RANBP17: variants seen among roughly 807,000 people sequenced by gnomAD.
The protein encoded by RANBP17 is ran-binding protein 17.
In RANBP17, 158 loss-of-function variants were observed where a neutral mutation model predicts 141.2. The observed-to-expected ratio is 1.12, with a 90% CI of 0.98 to 1.28. The LOEUF (loss-of-function observed/expected upper bound fraction) is 1.28. Among genes scored for constraint, RANBP17 ranks in the 50% most tolerant of loss-of-function variants. The pLI is 0.00. For synonymous variants in RANBP17, 430 were observed against 450.0 expected (o/e 0.96, Z 0.56); for missense variants, 1,438 against 1,290.7 (o/e 1.11, Z -1.75).
rs1424884073 is a variant in RANBP17 at position 170,964,626 on chromosome 5, CTA to C, written c.1575-3614_1575-3613del. On this transcript the variant is annotated intron_variant, in intron 13 of 27. Coordinates refer to ENST00000523189, the MANE Select transcript of RANBP17 (RefSeq NM_022897.5). ...TGTGTTCCCATTGTTCAATTCCCACCTATGAGTGAGAACATGCAGTGTTTGGT... is the reference window on the plus strand; with the variant it reads ...TGTGTTCCCATTGTTCAATTCCCACCTGAGTGAGAACATGCAGTGTTTGGT... Among the ~76,000 whole-genome samples the C allele has an allele frequency of 2.0e-5, 3 of 152,204 alleles. No individual in the cohort carries two copies. In the East Asian group the frequency reaches 5.8e-4, roughly 29 times the overall value.
chr5:171,114,285 C>G (rs1755457334), intron 14 of RANBP17, among the ~76,000 whole-genome samples: 1 of 152,000 alleles, frequency 6.6e-6, no homozygotes, highest in Non-Finnish European at 1.5e-5. Flanking sequence ...TTTAAGTTAA[C>G]CTCCCAATTT....
chr5:170,958,232 C>A (rs1326170461), intron 13 of RANBP17, among the ~76,000 whole-genome samples: 1 of 152,208 alleles, frequency 6.6e-6, no homozygotes, highest in African/African-American at 2.4e-5. Flanking sequence ...CTTTTCCACA[C>A]TTCTTAGTTA....
chr5:170,874,939 TTGG>T (rs1768058344), intron 1 of RANBP17, among the ~76,000 whole-genome samples: 1 of 152,202 alleles, frequency 6.6e-6, no homozygotes, highest in Non-Finnish European at 1.5e-5. Context: ...TCTTTGTATT[TTGG>T]TGTGTTTTTG....
chr5:170,874,525 C>T (rs1768005881), intron 1 of RANBP17, among the ~76,000 whole-genome samples: 1 of 152,118 alleles, frequency 6.6e-6, no homozygotes, highest in Non-Finnish European at 1.5e-5. Flanking sequence ...GCATCGGTTG[C>T]ATATATATTT....
chr5:171,102,140 T>C (rs1482682518), intron 14 of RANBP17, among the ~76,000 whole-genome samples: 1 of 152,212 alleles, frequency 6.6e-6, no homozygotes, highest in Non-Finnish European at 1.5e-5. Flanking sequence ...CGTTGGCCTG[T>C]CTTGCTAGGT....
intron 14 of RANBP17, among the ~76,000 whole-genome samples, chr5:171,150,900 T>C (rs1215320451): frequency 7.2e-5 from 11 of 152,238 alleles, no homozygotes; most frequent in Admixed American, 7.2e-4. Context: ...CCTTTTGTCA[T>C]TGAGGAACAC....
At chr5:170,992,635 A>C (rs2127566241) in intron 14 of RANBP17, among the ~76,000 whole-genome samples, 1 of 152,200 alleles carries the variant, frequency 6.6e-6, no homozygotes, top group East Asian at 1.9e-4. Context: ...CCTGCTTACA[A>C]ACTGACCAAA....
At chr5:171,009,820 A>G (rs1244363852) in intron 14 of RANBP17, among the ~76,000 whole-genome samples, 2 of 152,200 alleles carry the variant, frequency 1.3e-5, no homozygotes, top group Admixed American at 6.5e-5. Context: ...CATTAAAGAA[A>G]AAGAAACACT....
intron 12 of RANBP17, among the ~76,000 whole-genome samples, chr5:170,926,144 G>C (rs903497799): frequency 6.6e-6 from 1 of 152,104 alleles, no homozygotes; most frequent in African/African-American, 2.4e-5. Context: ...TTTTCTTAAA[G>C]TGCCAAATAG....
intron 14 of RANBP17, among the ~76,000 whole-genome samples, chr5:171,119,775 T>C (rs1235628154): frequency 6.6e-6 from 1 of 152,028 alleles, no homozygotes; most frequent in African/African-American, 2.4e-5. Flanking sequence ...CATGGTGGCT[T>C]ACACCTGTAA....
intron 14 of RANBP17, among the ~76,000 whole-genome samples, chr5:171,124,549 G>A (rs1756286420): frequency 6.6e-6 from 1 of 151,952 alleles, no homozygotes; most frequent in East Asian, 1.9e-4. Flanking sequence ...AACCCAAAAG[G>A]TCTTCTCCAG....
At chr5:171,086,176 G>C (rs1264250473) in intron 14 of RANBP17, among the ~76,000 whole-genome samples, 1 of 127,746 alleles carries the variant, frequency 7.8e-6, no homozygotes, top group Non-Finnish European at 1.7e-5. Context: ...AGCATGAAGG[G>C]TTGTTGAATT....
chr5:170,956,472 A>G (rs1356320205), intron 13 of RANBP17, among the ~76,000 whole-genome samples: 1 of 152,012 alleles, frequency 6.6e-6, no homozygotes, highest in African/African-American at 2.4e-5. Flanking sequence ...TATTTTCTAT[A>G]TCAAATTGAA....
At chr5:170,887,171 T>G (rs1282363277) in intron 3 of RANBP17, among the ~76,000 whole-genome samples, 1 of 152,200 alleles carries the variant, frequency 6.6e-6, no homozygotes. Context: ...AAGAGTTCTT[T>G]GTGCAGTTTG....
rs747142965 is a variant in RANBP17, at chr5:170,914,122, A to G, written c.761-45A>G. 11 of 1,248,848 alleles carry G rather than the reference A, an allele frequency of 8.8e-6. No individual in the cohort carries two copies. The East Asian group carries it at 2.3e-4, about 26-fold the overall frequency. 77.4% of individuals were successfully genotyped at this position (1,248,848 alleles called of 1,614,324 possible). ...GATATTGTCTTACTTTGTTAAGATC[A>G]CTGAATTGAAAGTAATGGTGTTAGA... On this transcript the variant is annotated intron_variant, in intron 7 of 27. Transcript: ENST00000523189.
At chr5:170,926,377 T>C (rs1052193101) in intron 12 of RANBP17, among the ~76,000 whole-genome samples, 6 of 152,186 alleles carry the variant, frequency 3.9e-5, no homozygotes, top group African/African-American at 1.4e-4. Flanking sequence ...ACCTCCTAGG[T>C]ATTTTACTTT....
At chr5:171,064,370 T>G (rs1784149159) in intron 14 of RANBP17, among the ~76,000 whole-genome samples, 1 of 152,258 alleles carries the variant, frequency 6.6e-6, no homozygotes, top group Non-Finnish European at 1.5e-5. Flanking sequence ...GTGAAAAAAT[T>G]GACTTTTATT....
intron 25 of RANBP17, among the ~76,000 whole-genome samples, chr5:171,272,395 G>T (rs1307198439): frequency 6.6e-6 from 1 of 152,094 alleles, no homozygotes; most frequent in Admixed American, 6.5e-5. Flanking sequence ...AAATGTAAGT[G>T]CTTACTATCT....
At chr5:171,100,793 C>T (rs954754494) in intron 14 of RANBP17, among the ~76,000 whole-genome samples, 7 of 152,114 alleles carry the variant, frequency 4.6e-5, no homozygotes, top group Admixed American at 2.0e-4. Flanking sequence ...GATTCTGGGA[C>T]GTTGCGTCTT....
Sources: allele counts gnomAD v4.1 joint callset (sites outside exome capture counted in the v4.1 genomes callset), GRCh38; gene constraint gnomAD v4.1.1; transcripts MANE v1.5; gene names NCBI Gene and HGNC (gene_info 2026-07-23, HGNC 2026-07-21).